CNTN5: variants seen among roughly 807,000 people sequenced by gnomAD.
CNTN5 encodes contactin-5.
In CNTN5, 77 loss-of-function variants were observed where a neutral mutation model predicts 129.1. That is an observed-to-expected ratio of 0.60 (90% confidence interval 0.50 to 0.72). The LOEUF (loss-of-function observed/expected upper bound fraction) is 0.72. CNTN5 is among the 30% of genes least tolerant of loss of function. The pLI is 0.00. For synonymous variants in CNTN5, 509 were observed against 465.6 expected, an observed-to-expected ratio of 1.09 and a Z score of -1.20; for missense variants, 1,478 against 1,328.8, an observed-to-expected ratio of 1.11 and a Z score of -1.75.
At chr11:99,134,079 G>A (rs1258021376) in intron 1 of CNTN5, among the ~76,000 whole-genome samples, 1 of 152,132 alleles carries the variant, frequency 6.6e-6, no homozygotes, top group Non-Finnish European at 1.5e-5. Context: ...GCTATGAAAA[G>A]GAATGAAATC....
rs556784005 is a variant in CNTN5 at position 100,199,244 on chromosome 11, C to T, written c.1884+5581C>T. 1.7e-4 allele frequency among the ~76,000 whole-genome samples: 26 copies of T among 151,962 alleles called. 1 individual carries two copies. In the South Asian group the frequency reaches 4.8e-3, roughly 28 times the overall value. The stretch of plus-strand genomic sequence containing the variant: ...ACAAAGGCTCACAGTCTCTTAGACT[C>T]ATTATGTTTGCTAGTAGCATTCACA... On this transcript the variant is annotated intron_variant, in intron 15 of 24. Transcript: ENST00000524871.
At chr11:100,078,134 T>C (rs1944217992) in intron 13 of CNTN5, among the ~76,000 whole-genome samples, 1 of 152,118 alleles carries the variant, frequency 6.6e-6, no homozygotes, top group African/African-American at 2.4e-5. Flanking sequence ...ATTTGGCTCA[T>C]TTTTTTCTAC....
intron 2 of CNTN5, among the ~76,000 whole-genome samples, chr11:99,497,651 C>G (rs1946277007): frequency 6.6e-6 from 1 of 151,984 alleles, no homozygotes; most frequent in Non-Finnish European, 1.5e-5. Context: ...AATATATAAT[C>G]CTAAGATTAT....
intron 1 of CNTN5, among the ~76,000 whole-genome samples, chr11:99,280,419 C>T (rs1863641142): frequency 6.6e-6 from 1 of 151,660 alleles, no homozygotes; most frequent in African/African-American, 2.4e-5. Flanking sequence ...TTGAGCCTAC[C>T]TAAGGTGGAA....
intron 2 of CNTN5, among the ~76,000 whole-genome samples, chr11:99,482,974 G>C (rs1330061135): frequency 6.6e-6 from 1 of 151,784 alleles, no homozygotes; most frequent in African/African-American, 2.4e-5. Flanking sequence ...AAGAGACCGA[G>C]GCCATCTTGG....
chr11:100,338,226 G>A (rs1952077276), intron 21 of CNTN5, among the ~76,000 whole-genome samples: 1 of 152,142 alleles, frequency 6.6e-6, no homozygotes, highest in African/African-American at 2.4e-5. Context: ...CAGCACTGAG[G>A]TTGGTTAAGG....
intron 13 of CNTN5, among the ~76,000 whole-genome samples, chr11:100,090,453 CTT>C (rs1944714882): frequency 2.1e-5 from 2 of 94,020 alleles, no homozygotes; most frequent in South Asian, 1.1e-3. Context: ...TCCTTCCTCT[CTT>C]TCTCTTTCTT....
chr11:100,061,256 C>G lies in CNTN5; in HGVS notation c.1025C>G (p.Pro342Arg). ...ITWMKVNGYI[P>R]SKARLRKSQA... ...TGGATGAAGGTTAATGGTTATATTC[C>G]TAGTAAGGCACGTCTGCGGAAATCT... Residue 342 changes from proline to arginine, a missense_variant, in exon 10 of 25, where the codon CCT becomes CGT. Coordinates refer to ENST00000524871, the MANE Select transcript of CNTN5 (RefSeq NM_014361.4). The G allele has an allele frequency of 6.2e-7, 1 of 1,613,520 alleles. No homozygotes were observed. Among genetic ancestry groups the G allele is most frequent in the Non-Finnish European group, 8.5e-7 (1 of 1,179,546 alleles).
intron 3 of CNTN5, among the ~76,000 whole-genome samples, chr11:99,787,929 G>T (rs1945594261): frequency 6.6e-6 from 1 of 151,872 alleles, no homozygotes; most frequent in Non-Finnish European, 1.5e-5. Context: ...TCATTTTAAT[G>T]TGGTTTCTTT....
chr11:100,292,137 T>G (rs190583418), intron 18 of CNTN5, among the ~76,000 whole-genome samples: 2 of 152,196 alleles, frequency 1.3e-5, no homozygotes, highest in Admixed American at 1.3e-4. Flanking sequence ...TTTTCTTTCT[T>G]CTTTCCACTT....
At chr11:99,946,796 TA>T (rs1380365336) in intron 7 of CNTN5, among the ~76,000 whole-genome samples, 1 of 124,982 alleles carries the variant, frequency 8.0e-6, no homozygotes, top group East Asian at 2.5e-4. Context: ...TTTAATTGTT[TA>T]AATCCCCTAT....
intron 2 of CNTN5, among the ~76,000 whole-genome samples, chr11:99,327,627 A>C (rs542368757): frequency 6.6e-6 from 1 of 152,334 alleles, no homozygotes; most frequent in South Asian, 2.1e-4. Flanking sequence ...AGCACTCCAA[A>C]AAGACATAAG....
At chr11:99,269,271 G>A (rs2135850730) in intron 1 of CNTN5, among the ~76,000 whole-genome samples, 1 of 150,466 alleles carries the variant, frequency 6.6e-6, no homozygotes, top group South Asian at 2.1e-4. Context: ...TATCTCCTGT[G>A]TTATATTTAT....
At position 99,462,337 on chromosome 11, in the gene CNTN5, T is replaced by C. The variant is rs922750496; in HGVS notation, c.-70-93808T>C. Among the ~76,000 whole-genome samples, 15 of 139,584 alleles carry C rather than the reference T, an allele frequency of 1.1e-4. No homozygotes were observed. The Admixed American group carries it at 1.2e-3, about 11-fold the overall frequency. The allele number at this position is 139,584 out of a possible 152,430, so 91.6% of individuals were successfully genotyped here. Reference sequence around the variant, plus strand: ...TGTAGATTGTCCTTTTTCTTTCTTTTTTTTCTTTTTTTCTTTTCTTTTCTT... The same window carrying C: ...TGTAGATTGTCCTTTTTCTTTCTTTCTTTTCTTTTTTTCTTTTCTTTTCTT... On this transcript the variant is annotated intron_variant, in intron 2 of 24. Coordinates refer to ENST00000524871, the MANE Select transcript of CNTN5 (RefSeq NM_014361.4).
At chr11:99,086,986 A>C (rs1257393322) in intron 1 of CNTN5, among the ~76,000 whole-genome samples, 1 of 152,194 alleles carries the variant, frequency 6.6e-6, no homozygotes, top group African/African-American at 2.4e-5. Context: ...GGAGGGTTGG[A>C]GAAGTTCAGT....
chr11:99,968,656 C>CTTTTTTTTTTTTTTTT (rs71050037), intron 8 of CNTN5, among the ~76,000 whole-genome samples: 4 of 73,906 alleles, frequency 5.4e-5, no homozygotes, highest in East Asian at 5.5e-4. Flanking sequence ...GCTTTGGGTA[C>CTTTTTTTTTTTTTTTT]TTTTTTTTTT....
At chr11:99,471,337 T>G (rs2135275503) in intron 2 of CNTN5, among the ~76,000 whole-genome samples, 1 of 152,176 alleles carries the variant, frequency 6.6e-6, no homozygotes, top group East Asian at 1.9e-4. Flanking sequence ...ACAGGTATGT[T>G]TTAATATTAG....
At chr11:99,039,811 G>A (rs1393165428) in intron 1 of CNTN5, among the ~76,000 whole-genome samples, 2 of 152,078 alleles carry the variant, frequency 1.3e-5, no homozygotes, top group African/African-American at 2.4e-5. Flanking sequence ...AGAATCAGGA[G>A]TACCCTATCT....
intron 21 of CNTN5, among the ~76,000 whole-genome samples, chr11:100,317,316 T>A (rs1951590695): frequency 6.6e-6 from 1 of 152,176 alleles, no homozygotes; most frequent in Admixed American, 6.5e-5. Flanking sequence ...GAAGATGGAC[T>A]TTAAGATACA....
Sources: allele counts gnomAD v4.1 joint callset (sites outside exome capture counted in the v4.1 genomes callset), GRCh38; gene constraint gnomAD v4.1.1; transcripts MANE v1.5; gene names NCBI Gene and HGNC (gene_info 2026-07-23, HGNC 2026-07-21).